The following OTOGL variants were observed in gnomAD, a reference collection of about 807,000 sequenced individuals.
OTOGL encodes the protein otogelin-like protein.
In OTOGL, 285 loss-of-function variants were observed where a neutral mutation model predicts 318.5. The observed-to-expected ratio is 0.89, with a 90% CI of 0.81 to 0.99. OTOGL has a LOEUF of 0.99. Among genes scored for constraint, OTOGL ranks in the 50% least tolerant of loss-of-function variants. The pLI is 0.00. For synonymous variants in OTOGL, 987 were observed against 936.5 expected (o/e 1.05, Z -0.99); for missense variants, 2,899 against 2,845.6 (o/e 1.02, Z -0.43).
intron 26 of OTOGL, among the ~76,000 whole-genome samples, chr12:80,288,793 T>C (rs1565957032): frequency 6.6e-6 from 1 of 152,106 alleles, no homozygotes; most frequent in Non-Finnish European, 1.5e-5. Context: ...TAGCAGTTCC[T>C]GTAACCTTTT....
intron 1 of OTOGL, among the ~76,000 whole-genome samples, chr12:80,178,129 C>T (rs746296287): frequency 8.7e-5 from 11 of 126,586 alleles, no homozygotes; most frequent in Non-Finnish European, 1.6e-4. Flanking sequence ...GGTGTGATCT[C>T]GGCTCGCTGC....
intron 26 of OTOGL, among the ~76,000 whole-genome samples, chr12:80,284,480 T>C (rs984471742): frequency 6.6e-6 from 1 of 152,210 alleles, no homozygotes; most frequent in Non-Finnish European, 1.5e-5. Context: ...GTTGAACTAA[T>C]TTACACTCCC....
intron 24 of OTOGL, among the ~76,000 whole-genome samples, chr12:80,274,759 A>C (rs970652757): frequency 6.6e-6 from 1 of 151,992 alleles, no homozygotes; most frequent in African/African-American, 2.4e-5. Context: ...TTGTGACTTT[A>C]AGTTGAAGCC....
At chr12:80,184,444 A>T (rs1400559957) in intron 1 of OTOGL, among the ~76,000 whole-genome samples, 1 of 152,156 alleles carries the variant, frequency 6.6e-6, no homozygotes, top group African/African-American at 2.4e-5. Context: ...TTTCTCTCCC[A>T]TACTGAGAAG....
intron 1 of OTOGL, among the ~76,000 whole-genome samples, chr12:80,108,953 T>TATACAC (rs1555268625): frequency 7.0e-6 from 1 of 142,752 alleles, no homozygotes; most frequent in African/African-American, 2.6e-5. Context: ...TATATATATA[T>TATACAC]ACACACACAC....
At position 80,318,258 on chromosome 12, in the gene OTOGL, G is replaced by A. The variant is rs7975798; in HGVS notation, c.3635-288G>A. ...TTAAATTGGCTTTGAGGTAAAACTG[G>A]GAGAAGAGGGAAAGTAAAATACACT... On this transcript the variant is annotated intron_variant, in intron 32 of 58. Transcript: ENST00000547103. 0.96 allele frequency among the ~76,000 whole-genome samples: 146,487 copies of A among 152,150 alleles called. 70,606 individuals are homozygous for A. Among genetic ancestry groups the A allele is most frequent in the Middle Eastern group, 1 (294 of 294 alleles).
chr12:80,355,617 A>G (rs924418187), intron 46 of OTOGL, 119 bp from the exon 47 acceptor site: 4 of 718,554 alleles, frequency 5.6e-6, no homozygotes, highest in Middle Eastern at 2.8e-4. Flanking sequence ...GAAAAACAAT[A>G]GACTTGTGAC....
At chr12:80,349,318 A>G (rs1889396285) in intron 44 of OTOGL, among the ~76,000 whole-genome samples, 1 of 152,206 alleles carries the variant, frequency 6.6e-6, no homozygotes, top group Non-Finnish European at 1.5e-5. Flanking sequence ...TAATTTTCAC[A>G]GCAGTCTTAA....
intron 1 of OTOGL, among the ~76,000 whole-genome samples, chr12:80,115,737 A>T (rs1040038422): frequency 2.6e-5 from 4 of 152,148 alleles, no homozygotes; most frequent in Non-Finnish European, 4.4e-5. Context: ...TCTTTTTCAG[A>T]GATGCCCTTC....
At chr12:80,247,324 C>T (rs1181515680) in intron 11 of OTOGL, among the ~76,000 whole-genome samples, 3 of 145,492 alleles carry the variant, frequency 2.1e-5, no homozygotes, top group Non-Finnish European at 4.4e-5. Flanking sequence ...TCCCTCTACA[C>T]ACTGCTTTGA....
intron 36 of OTOGL, 41 bp downstream of exon 36, chr12:80,328,785 C>A (rs373121125): frequency 1.3e-6 from 2 of 1,503,842 alleles, no homozygotes; most frequent in African/African-American, 1.4e-5. Flanking sequence ...AAAAATTATA[C>A]GCTTGCATAT....
chr12:80,211,360 GA>G (rs1565901589), intron 3 of OTOGL, among the ~76,000 whole-genome samples: 1 of 152,006 alleles, frequency 6.6e-6, no homozygotes, highest in Non-Finnish European at 1.5e-5. Flanking sequence ...TCTGCTTAAT[GA>G]AAAGCAGAAT....
chr12:80,353,072 A>C (rs1466238562), intron 45 of OTOGL, among the ~76,000 whole-genome samples: 8 of 152,200 alleles, frequency 5.3e-5, no homozygotes, highest in African/African-American at 1.4e-4. Context: ...ACATCTGATA[A>C]GCGTTTCCTA....
chr12:80,275,761 A>G (rs1883756408), intron 24 of OTOGL, among the ~76,000 whole-genome samples: 1 of 151,866 alleles, frequency 6.6e-6, no homozygotes. Context: ...CTGATTAGTC[A>G]GCAGCCATCA....
intron 26 of OTOGL, among the ~76,000 whole-genome samples, chr12:80,290,755 T>C (rs1345113181): frequency 6.6e-6 from 1 of 152,224 alleles, no homozygotes; most frequent in Non-Finnish European, 1.5e-5. Flanking sequence ...TTCCAATGTA[T>C]GGTGGTGATC....
intron 1 of OTOGL, among the ~76,000 whole-genome samples, chr12:80,105,907 T>G (rs1443271553): frequency 6.6e-6 from 1 of 152,174 alleles, no homozygotes; most frequent in African/African-American, 2.4e-5. Flanking sequence ...TTCCAACAGA[T>G]ACTGGGAAAA....
At chr12:80,183,608 A>G (rs915889269) in intron 1 of OTOGL, among the ~76,000 whole-genome samples, 5 of 152,238 alleles carry the variant, frequency 3.3e-5, no homozygotes, top group Admixed American at 3.3e-4. Context: ...GAATGGGCCA[A>G]AGCCATAGAC....
intron 1 of OTOGL, among the ~76,000 whole-genome samples, chr12:80,134,334 GA>G (rs1163121499): frequency 1.3e-5 from 2 of 152,144 alleles, no homozygotes; most frequent in Non-Finnish European, 2.9e-5. Flanking sequence ...CTTCTTTAGG[GA>G]CCTGCTATCA....
chr12:80,147,814 C>T (rs1221358342), intron 1 of OTOGL, among the ~76,000 whole-genome samples: 2 of 151,910 alleles, frequency 1.3e-5, no homozygotes, highest in African/African-American at 4.9e-5. Flanking sequence ...ATATAATGGC[C>T]TTGTTTGTCT....
Sources: gnomAD v4.1 joint callset for allele counts (sites outside exome capture counted in the v4.1 genomes callset) on GRCh38, gnomAD v4.1.1 for gene constraint, MANE v1.5 for transcripts, NCBI Gene and HGNC (gene_info 2026-07-23, HGNC 2026-07-21) for gene names.